The following NCMAP variants were observed in gnomAD, a reference collection of about 807,000 sequenced individuals.
The protein encoded by NCMAP is non-compact myelin associated protein.
Under a neutral mutation model 7.8 loss-of-function variants are expected in NCMAP, and 8 were observed. The ratio of observed to expected loss-of-function variants is 1.02; its 90% confidence interval spans 0.60 to 1.84. The LOEUF (loss-of-function observed/expected upper bound fraction) is 1.84, where lower values mean the gene tolerates loss of function less well. Among genes scored for constraint, NCMAP ranks in the 40% most tolerant of loss-of-function variants. NCMAP has a pLI of 0.00. For missense variants in NCMAP, 112 were observed against 131.4 expected, an observed-to-expected ratio of 0.85 and a Z score of 0.72; for synonymous variants, 41 against 52.9, an observed-to-expected ratio of 0.78 and a Z score of 0.98.
chr1:24,595,627 A>C, intron 2 of NCMAP, 115 bp downstream of exon 2: 1 of 727,628 alleles, frequency 1.4e-6, no homozygotes, highest in Non-Finnish European at 2.3e-6. Context: ...TCTCAGGCCC[A>C]GTTCTGCCAC....
intron 3 of NCMAP, 116 bp downstream of exon 3, chr1:24,601,140 G>A: frequency 2.5e-6 from 2 of 787,570 alleles, no homozygotes; most frequent in Non-Finnish European, 4.4e-6. Flanking sequence ...TCAGCCTTTA[G>A]TAAATGCTCT....
chr1:24,572,738 A>T lies in NCMAP; in HGVS notation c.-8+16569A>T, dbSNP rs991713393. On this transcript the variant is annotated intron_variant, in intron 1 of 3. Transcript: ENST00000374392. ...TCCTGCTCATGTTTGCATTTCCTGG[A>T]CCCCCAGCTCACACTTGCCTCGCAC... is the stretch of plus-strand genomic sequence containing the variant. Among the ~76,000 whole-genome samples the T allele has an allele frequency of 1.3e-5, 2 of 149,524 alleles. 1 individual carries two copies. Among genetic ancestry groups the T allele is most frequent in the African/African-American group, 5.1e-5 (2 of 39,374 alleles).
chr1:24,574,265 C>G (rs774060246), intron 1 of NCMAP, among the ~76,000 whole-genome samples: 1 of 150,548 alleles, frequency 6.6e-6, no homozygotes, highest in Non-Finnish European at 1.5e-5. Flanking sequence ...ATTACAGGTG[C>G]GTGCCACCAT....
In NCMAP at chr1:24,605,658, C is replaced by CCTT; in HGVS notation, c.223_225dup (p.Ser75dup). 1 of 1,614,192 alleles carries CCTT rather than the reference C, an allele frequency of 6.2e-7. No homozygotes were observed. The highest frequency in any genetic ancestry group is 8.5e-7 in the Non-Finnish European group (1 of 1,180,032). On this transcript the variant is annotated inframe_insertion, in exon 4 of 4. Transcript: ENST00000374392. ...GCCCAAGGGCCCCAAGCCAACCGCC[C>CCTT]CTTCTGCCGTGGGCCCAAACAGCAA... is the stretch of plus-strand genomic sequence containing the variant.
chr1:24,606,023 G>A lies in NCMAP; in HGVS notation c.*276G>A. The A allele has an allele frequency of 2.4e-6, 1 of 408,880 alleles. No individual in the cohort carries two copies. The allele number at this position is 408,880 out of a possible 1,614,324, so 25.3% of individuals were successfully genotyped here. A position where few individuals can be genotyped will look rare whatever the true frequency, so the allele number is the denominator to read the frequency against. ...AGCTATGTTGGGAATCCACCAATGT[G>A]GGCTTGGCTTTCCCCCACACTGTAG... On this transcript the variant is annotated 3_prime_UTR_variant, in exon 4 of 4. Coordinates refer to ENST00000374392, the MANE Select transcript of NCMAP (RefSeq NM_001010980.5).
chr1:24,581,207 C>T (rs367910139), intron 1 of NCMAP, among the ~76,000 whole-genome samples: 1 of 151,794 alleles, frequency 6.6e-6, no homozygotes, highest in African/African-American at 2.4e-5. Context: ...ACCTCCACTT[C>T]CCAGGTTCAA....
In NCMAP at chr1:24,599,829, C is replaced by A. The variant is rs1392673051; in HGVS notation, c.83-1111C>A. On this transcript the variant is annotated intron_variant, in intron 2 of 3. Coordinates refer to ENST00000374392, the MANE Select transcript of NCMAP (RefSeq NM_001010980.5). Reference sequence around the variant, plus strand: ...CTGACCTCGTGATCCGCCCCCCCCCCCCCCCCCCCCTTGGCCTCCCAAAGT... The same window carrying A: ...CTGACCTCGTGATCCGCCCCCCCCCACCCCCCCCCCTTGGCCTCCCAAAGT... Among the ~76,000 whole-genome samples, 26 of 82,760 alleles carry A rather than the reference C, an allele frequency of 3.1e-4. 1 individual carries two copies. The highest frequency in any genetic ancestry group is 3.9e-4 in the African/African-American group (9 of 23,016). 54.3% of individuals were successfully genotyped at this position (82,760 alleles called of 152,430 possible).
chr1:24,571,890 A>G (rs964032233), intron 1 of NCMAP, among the ~76,000 whole-genome samples: 1 of 151,008 alleles, frequency 6.6e-6, no homozygotes, highest in Non-Finnish European at 1.5e-5. Flanking sequence ...CTGGAAGAAA[A>G]AAATTATGAA....
intron 1 of NCMAP, among the ~76,000 whole-genome samples, chr1:24,562,843 G>A (rs1651092856): frequency 6.6e-6 from 1 of 152,166 alleles, no homozygotes; most frequent in Non-Finnish European, 1.5e-5. Flanking sequence ...GCTTCTCTCT[G>A]GGAACTTAAA....
At chr1:24,592,249 G>C (rs528521925) in intron 1 of NCMAP, among the ~76,000 whole-genome samples, 4 of 152,146 alleles carry the variant, frequency 2.6e-5, no homozygotes, top group Non-Finnish European at 5.9e-5. Flanking sequence ...AGTGTCGACA[G>C]GGGGAAATGA....
chr1:24,587,945 A>AT (rs1207955054), intron 1 of NCMAP, among the ~76,000 whole-genome samples: 3 of 151,128 alleles, frequency 2.0e-5, no homozygotes, highest in Non-Finnish European at 4.4e-5. Flanking sequence ...TTTTTCTTTT[A>AT]TTTTTTCTTT....
Position 24,606,230 on chromosome 1 carries a change from C to T in NCMAP, c.*483C>T, listed in dbSNP as rs57012160. 0.055 allele frequency: 8,389 copies of T among 153,670 alleles called. 789 individuals carry two copies. The highest frequency in any genetic ancestry group is 0.19 in the African/African-American group (7,941 of 41,552). The allele number at this position is 153,670 out of a possible 1,614,324, so 9.5% of individuals were successfully genotyped here. On this transcript the variant is annotated 3_prime_UTR_variant, in exon 4 of 4. Coordinates refer to ENST00000374392, the MANE Select transcript of NCMAP (RefSeq NM_001010980.5). The stretch of plus-strand genomic sequence containing the variant: ...TAACTTGGACTAACTAACCAGAAAA[C>T]CTTGTTAACGTATAACTTGTTCCAG...
At chr1:24,602,104 C>A (rs9724801) in intron 3 of NCMAP, among the ~76,000 whole-genome samples, 8,152 of 151,720 alleles carry the variant, frequency 0.054, 763 homozygotes, top group African/African-American at 0.19. Context: ...AAAGCTGTTT[C>A]CAATATATTG....
intron 1 of NCMAP, among the ~76,000 whole-genome samples, chr1:24,578,312 C>T (rs1353607983): frequency 1.3e-5 from 2 of 151,748 alleles, no homozygotes; most frequent in East Asian, 1.9e-4. Flanking sequence ...CTATGTGCTC[C>T]CGGGGGCTTT....
In NCMAP at chr1:24,606,895, C is replaced by T. The variant is rs1243579099; in HGVS notation, c.*1148C>T. ...CACCTGCCTCATTGGGGCACTATAA[C>T]AAGTGAAGGACTTAGGAAAACATCT... On this transcript the variant is annotated 3_prime_UTR_variant, in exon 4 of 4. Coordinates refer to ENST00000374392, the MANE Select transcript of NCMAP (RefSeq NM_001010980.5). 6.6e-6 allele frequency: 1 copy of T among 152,162 alleles called. No homozygotes were observed. Among genetic ancestry groups the T allele is most frequent in the East Asian group, 1.9e-4 (1 of 5,200 alleles). The allele number at this position is 152,162 out of a possible 1,614,324, so 9.4% of individuals were successfully genotyped here.
At chr1:24,575,308 AAAAAT>A (rs1404201129) in intron 1 of NCMAP, among the ~76,000 whole-genome samples, 1 of 152,168 alleles carries the variant, frequency 6.6e-6, no homozygotes, top group African/African-American at 2.4e-5. Context: ...GGGTTGGAAA[AAAAAT>A]AAAATTTTTA....
chr1:24,564,849 C>T (rs6424105), intron 1 of NCMAP, among the ~76,000 whole-genome samples: 26,862 of 151,700 alleles, frequency 0.18, 2,636 homozygotes, highest in East Asian at 0.24. Flanking sequence ...CAGCAATACC[C>T]GATAAAGTCA....
intron 1 of NCMAP, among the ~76,000 whole-genome samples, chr1:24,592,603 A>G (rs758494792): frequency 6.6e-6 from 1 of 152,296 alleles, no homozygotes; most frequent in South Asian, 2.1e-4. Context: ...GATTTCAGCT[A>G]TGTCTGATTT....
At position 24,573,971 on chromosome 1, in the gene NCMAP, A is replaced by AAAAAAAAAAAAAAAAAAAAC. The variant is rs1337931415; in HGVS notation, c.-8+17802_-8+17803insAAAAAAAAAAAAAAAAAAAC. ...AGAGGACAAAAAAAAAAAAAAAAAA[A>AAAAAAAAAAAAAAAAAAAAC]CAGAAAAAAGGGGGAATATGTCAGT... is the stretch of plus-strand genomic sequence containing the variant. On this transcript the variant is annotated intron_variant, in intron 1 of 3. Coordinates refer to ENST00000374392, the MANE Select transcript of NCMAP (RefSeq NM_001010980.5). Among the ~76,000 whole-genome samples the AAAAAAAAAAAAAAAAAAAAC allele has an allele frequency of 2.4e-3, 330 of 137,440 alleles. 15 individuals are homozygous for AAAAAAAAAAAAAAAAAAAAC. Among genetic ancestry groups the AAAAAAAAAAAAAAAAAAAAC allele is most frequent in the African/African-American group, 9.1e-3 (309 of 34,046 alleles). 90.2% of individuals were successfully genotyped at this position (137,440 alleles called of 152,430 possible). A position where few individuals can be genotyped will look rare whatever the true frequency, so the allele number is the denominator to read the frequency against.
Sources: gnomAD v4.1 joint callset for allele counts (sites outside exome capture counted in the v4.1 genomes callset) on GRCh38, gnomAD v4.1.1 for gene constraint, MANE v1.5 for transcripts, NCBI Gene and HGNC (gene_info 2026-07-23, HGNC 2026-07-21) for gene names.